Variants in SLC25A26 observed in about 807,000 individuals in gnomAD.
SLC25A26 encodes solute carrier family 25 member 26.
In SLC25A26, 36 loss-of-function variants were observed where a neutral mutation model predicts 37.8. The ratio of observed to expected loss-of-function variants is 0.95; its 90% CI spans 0.73 to 1.26. The LOEUF is 1.26. Among genes scored for constraint, SLC25A26 ranks in the 50% most tolerant of loss-of-function variants. The pLI is 0.00. For missense variants in SLC25A26, 390 were observed against 331.1 expected (o/e 1.18, Z -1.38); for synonymous variants, 129 against 122.5 (o/e 1.05, Z -0.35).
chr3:66,161,042 G>A (rs1385993998), intron 1 of SLC25A26, among the ~76,000 whole-genome samples: 2 of 151,910 alleles, frequency 1.3e-5, no homozygotes, highest in South Asian at 2.1e-4. Context: ...CCCTCTGGCT[G>A]TCACAGCTTT....
At chr3:66,348,062 A>T (rs1178403476) in intron 6 of SLC25A26, among the ~76,000 whole-genome samples, 2 of 152,198 alleles carry the variant, frequency 1.3e-5, no homozygotes, top group Non-Finnish European at 2.9e-5. Context: ...ACATGCAACA[A>T]ACCACCATGG....
intron 1 of SLC25A26, among the ~76,000 whole-genome samples, chr3:66,141,072 C>T (rs902499081): frequency 7.9e-5 from 12 of 151,404 alleles, no homozygotes; most frequent in East Asian, 5.8e-4. Context: ...CACACACACA[C>T]GCAAATGAGC....
chr3:66,151,223 A>G (rs950428334), intron 1 of SLC25A26, among the ~76,000 whole-genome samples: 1 of 152,194 alleles, frequency 6.6e-6, no homozygotes, highest in Non-Finnish European at 1.5e-5. Context: ...CAAAGAAGGT[A>G]TGTGCCAAGT....
chr3:66,266,831 A>G (rs1448390987), intron 5 of SLC25A26, among the ~76,000 whole-genome samples: 2 of 152,144 alleles, frequency 1.3e-5, no homozygotes, highest in African/African-American at 2.4e-5. Flanking sequence ...AGATGCTTTC[A>G]TATCCAGGAT....
At chr3:66,346,729 T>C (rs918001909) in intron 6 of SLC25A26, among the ~76,000 whole-genome samples, 6 of 144,582 alleles carry the variant, frequency 4.1e-5, no homozygotes, top group African/African-American at 1.7e-4. Context: ...TGTGTGTGTG[T>C]GTGTGTGTGT....
intron 5 of SLC25A26, among the ~76,000 whole-genome samples, chr3:66,310,047 A>G (rs1039170678): frequency 3.9e-5 from 6 of 152,080 alleles, no homozygotes; most frequent in African/African-American, 1.2e-4. Flanking sequence ...CAAGTCCTGA[A>G]TATCCTTGTT....
At chr3:66,215,374 T>C (rs1289962271) in intron 1 of SLC25A26, among the ~76,000 whole-genome samples, 1 of 152,108 alleles carries the variant, frequency 6.6e-6, no homozygotes, top group Non-Finnish European at 1.5e-5. Context: ...CTAATTATTT[T>C]ATTTTTTGTA....
chr3:66,256,906 A>G (rs956038159), intron 3 of SLC25A26, among the ~76,000 whole-genome samples: 10 of 152,168 alleles, frequency 6.6e-5, no homozygotes, highest in African/African-American at 2.4e-4. Flanking sequence ...GTATATTTAT[A>G]TGTAAATTCT....
At position 66,146,264 on chromosome 3, in the gene SLC25A26, C is replaced by T. The variant is rs572580639; in HGVS notation, c.-354+12280C>T. 3.2e-3 allele frequency among the ~76,000 whole-genome samples: 492 copies of T among 151,482 alleles called. 4 individuals are homozygous for T. The highest frequency in any genetic ancestry group is 0.011 in the African/African-American group (469 of 41,236). On this transcript the variant is annotated intron_variant, in intron 1 of 10. Coordinates refer to the SLC25A26 transcript ENST00000676754. Reference sequence around the variant, plus strand: ...CTAAGGCAGGAGAATCGCTTGAACCCGGGAGACAGAGGTTGCAGTGAGCCA... The same window carrying T: ...CTAAGGCAGGAGAATCGCTTGAACCTGGGAGACAGAGGTTGCAGTGAGCCA...
chr3:66,163,889 T>A (rs1034929331), intron 1 of SLC25A26, among the ~76,000 whole-genome samples: 62 of 152,320 alleles, frequency 4.1e-4, no homozygotes, highest in African/African-American at 1.5e-3. Flanking sequence ...TATTTGGAAG[T>A]CCCTGGAAAC....
chr3:66,251,444 T>G (rs999847325), intron 3 of SLC25A26, among the ~76,000 whole-genome samples: 2 of 152,176 alleles, frequency 1.3e-5, no homozygotes, highest in Non-Finnish European at 2.9e-5. Context: ...TTTAGTTTGT[T>G]GTGTCTATGT....
chr3:66,208,969 G>T, intron 1 of SLC25A26, among the ~76,000 whole-genome samples: 2 of 9,266 alleles, frequency 2.2e-4, no homozygotes, highest in East Asian at 3.3e-3. Context: ...CCCATATAAA[G>T]GTGTGTATAT....
chr3:66,160,016 C>A (rs1401719103), intron 1 of SLC25A26, among the ~76,000 whole-genome samples: 1 of 150,870 alleles, frequency 6.6e-6, no homozygotes, highest in South Asian at 2.1e-4. Context: ...CTTTTTTTTT[C>A]TTTTTTGGGA....
chr3:66,236,458 C>CT, intron 1 of SLC25A26, 86 bp from the exon 2 acceptor site: 2 of 1,070,746 alleles, frequency 1.9e-6, no homozygotes, highest in Non-Finnish European at 2.6e-6. Flanking sequence ...TAAAGACTGT[C>CT]TTCCTATCTT....
intron 1 of SLC25A26, among the ~76,000 whole-genome samples, chr3:66,215,055 G>T (rs2071340246): frequency 3.9e-5 from 6 of 152,178 alleles, no homozygotes; most frequent in Non-Finnish European, 8.8e-5. Context: ...AACCTGGGAG[G>T]CAGAGGTTGC....
At chr3:66,208,021 C>G (rs1353232774) in intron 1 of SLC25A26, among the ~76,000 whole-genome samples, 1 of 152,154 alleles carries the variant, frequency 6.6e-6, no homozygotes, top group African/African-American at 2.4e-5. Context: ...CTGATGGCAA[C>G]TTATATATTG....
intron 1 of SLC25A26, among the ~76,000 whole-genome samples, chr3:66,147,635 C>A (rs1347698237): frequency 6.6e-6 from 1 of 152,136 alleles, no homozygotes; most frequent in Non-Finnish European, 1.5e-5. Flanking sequence ...AATGATAGAT[C>A]TACTTTTAGT....
At chr3:66,144,089 G>A (rs1400553694) in intron 1 of SLC25A26, among the ~76,000 whole-genome samples, 1 of 151,986 alleles carries the variant, frequency 6.6e-6, no homozygotes, top group Non-Finnish European at 1.5e-5. Context: ...AATATAAGTG[G>A]GTGAGCTACT....
intron 7 of SLC25A26, among the ~76,000 whole-genome samples, chr3:66,365,078 G>A (rs2076796192): frequency 6.6e-6 from 1 of 152,218 alleles, no homozygotes; most frequent in Non-Finnish European, 1.5e-5. Flanking sequence ...GAAAAAGTGA[G>A]ATTCTGTAAG....
Sources: allele counts gnomAD v4.1 joint callset (sites outside exome capture counted in the v4.1 genomes callset), GRCh38; gene constraint gnomAD v4.1.1; transcripts MANE v1.5; gene names NCBI Gene and HGNC (gene_info 2026-07-23, HGNC 2026-07-21).